TESK2: variants seen among roughly 807,000 people sequenced by gnomAD.
TESK2 encodes testis associated actin remodelling kinase 2.
In TESK2, 39 loss-of-function variants were observed where a neutral mutation model predicts 57.1. The observed-to-expected ratio is 0.68, with a 90% CI of 0.53 to 0.89. The LOEUF (loss-of-function observed/expected upper bound fraction) is 0.89, where lower values mean the gene tolerates loss of function less well. Ranked by LOEUF, TESK2 falls within the 40% of genes least tolerant of loss-of-function variation. The pLI is 0.00. For synonymous variants in TESK2, 249 were observed against 267.9 expected, an observed-to-expected ratio of 0.93 and a Z score of 0.69; for missense variants, 646 against 732.1, an observed-to-expected ratio of 0.88 and a Z score of 1.36.
intron 4 of TESK2, among the ~76,000 whole-genome samples, chr1:45,375,831 C>A (rs1648399295): frequency 6.6e-6 from 1 of 152,100 alleles, no homozygotes; most frequent in East Asian, 1.9e-4. Context: ...TGGAATAGTG[C>A]CAGACATGGT....
At chr1:45,455,883 T>C (rs1652068544) in intron 2 of TESK2, among the ~76,000 whole-genome samples, 1 of 151,700 alleles carries the variant, frequency 6.6e-6, no homozygotes, top group Non-Finnish European at 1.5e-5. Context: ...CATGGGAAAG[T>C]ATACCTATTA....
intron 10 of TESK2, 61 bp downstream of exon 10, chr1:45,345,816 G>C (rs1307384534): frequency 1.5e-6 from 2 of 1,342,300 alleles, no homozygotes; most frequent in South Asian, 1.2e-5. Flanking sequence ...AAGAGGAGAA[G>C]GCCCCACATC....
chr1:45,353,516 C>A (rs972616409), intron 5 of TESK2, among the ~76,000 whole-genome samples: 1 of 152,206 alleles, frequency 6.6e-6, no homozygotes, highest in African/African-American at 2.4e-5. Context: ...CCCTTTCAAG[C>A]TTTTTCTTAA....
At chr1:45,393,144 AG>A (rs1372449197) in intron 3 of TESK2, among the ~76,000 whole-genome samples, 1 of 152,204 alleles carries the variant, frequency 6.6e-6, no homozygotes, top group African/African-American at 2.4e-5. Context: ...GAAGCTGAAA[AG>A]ACCTGGTTTG....
At chr1:45,454,076 A>G (rs886214347) in intron 2 of TESK2, among the ~76,000 whole-genome samples, 5 of 152,196 alleles carry the variant, frequency 3.3e-5, no homozygotes, top group African/African-American at 9.6e-5. Context: ...AGAACTGTAA[A>G]ATGGCACAAC....
intron 1 of TESK2, among the ~76,000 whole-genome samples, chr1:45,482,521 C>CA (rs1419324969): frequency 6.8e-6 from 1 of 146,930 alleles, no homozygotes; most frequent in Non-Finnish European, 1.5e-5. Flanking sequence ...GCCCCTGTCT[C>CA]AAAAAAATAA....
chr1:45,357,812 C>A (rs9429159), intron 4 of TESK2, among the ~76,000 whole-genome samples: 41,035 of 150,064 alleles, frequency 0.27, 5,853 homozygotes, highest in Admixed American at 0.41. Context: ...TCGAGACCAG[C>A]CTGACCAACA....
intron 4 of TESK2, among the ~76,000 whole-genome samples, chr1:45,367,050 C>T (rs1647949227): frequency 6.6e-6 from 1 of 152,080 alleles, no homozygotes; most frequent in Non-Finnish European, 1.5e-5. Flanking sequence ...GGGAGGATGG[C>T]TTGAGCTGAG....
intron 3 of TESK2, among the ~76,000 whole-genome samples, chr1:45,387,023 T>C (rs6670763): frequency 0.02 from 3,037 of 152,266 alleles, 112 homozygotes; most frequent in African/African-American, 0.07. Flanking sequence ...CATTATATCA[T>C]TCTTACGCCT....
At chr1:45,420,880 G>A (rs1212133833) in intron 3 of TESK2, among the ~76,000 whole-genome samples, 2 of 151,996 alleles carry the variant, frequency 1.3e-5, no homozygotes, top group Admixed American at 6.6e-5. Flanking sequence ...GAGCCATCGC[G>A]CCCAGCCAAA....
chr1:45,424,429 T>G (rs1296140939), intron 2 of TESK2, among the ~76,000 whole-genome samples: 1 of 152,168 alleles, frequency 6.6e-6, no homozygotes, highest in Admixed American at 6.5e-5. Context: ...TGAGTGAGAT[T>G]TGGAACCCAG....
chr1:45,455,497 C>T (rs1302474204), intron 2 of TESK2, among the ~76,000 whole-genome samples: 1 of 152,186 alleles, frequency 6.6e-6, no homozygotes, highest in African/African-American at 2.4e-5. Context: ...CCTCATTTGG[C>T]GGCCCTATGA....
intron 3 of TESK2, among the ~76,000 whole-genome samples, chr1:45,419,584 T>TTACC (rs1650380759): frequency 6.6e-6 from 1 of 151,986 alleles, no homozygotes; most frequent in Non-Finnish European, 1.5e-5. Context: ...AGCAGGTGGA[T>TTACC]TACCTGAGGT....
intron 2 of TESK2, among the ~76,000 whole-genome samples, chr1:45,427,307 G>A (rs1042902609): frequency 6.6e-6 from 1 of 151,602 alleles, no homozygotes. Flanking sequence ...GTGCACTGTT[G>A]GTAGGAATGT....
chr1:45,373,591 A>C lies in TESK2; in HGVS notation c.393+12321T>G, dbSNP rs140171591. ...TACCTGCTTAATAATTATTTGTTAAATAGGAAACAGACACAAGCAATTGCA... is the reference window on the plus strand; with the variant it reads ...TACCTGCTTAATAATTATTTGTTAACTAGGAAACAGACACAAGCAATTGCA... On this transcript the variant is annotated intron_variant, in intron 4 of 10. Coordinates refer to ENST00000372086, the MANE Select transcript of TESK2 (RefSeq NM_007170.3). 9.8e-5 allele frequency among the ~76,000 whole-genome samples: 15 copies of C among 152,346 alleles called. No homozygotes were observed. The East Asian group carries it at 2.7e-3, about 27-fold the overall frequency.
chr1:45,406,901 T>C (rs994372805), intron 3 of TESK2, among the ~76,000 whole-genome samples: 11 of 152,206 alleles, frequency 7.2e-5, no homozygotes, highest in Non-Finnish European at 2.9e-5. Flanking sequence ...AGCTATTTAT[T>C]CTATTTACCT....
At chr1:45,355,752 T>C (rs1647392657) in intron 4 of TESK2, among the ~76,000 whole-genome samples, 1 of 152,112 alleles carries the variant, frequency 6.6e-6, no homozygotes, top group African/African-American at 2.4e-5. Context: ...TGGAGGCATG[T>C]CAGAGGAAAT....
At position 45,345,973 on chromosome 1, in the gene TESK2, A is replaced by G. The variant is rs1030357084; in HGVS notation, c.901T>C (p.Ser301Pro). ...CCNMDPKLRP[S>P]FVEIGKTLEE... The stretch of plus-strand genomic sequence containing the variant: ...AGGGTCTTCCCAATCTCCACAAAAG[A>G]TGGGCGCAGTTTGGGATCCATCTGT... The change falls in exon 10 of 11, where the codon TCT (serine) becomes CCT (proline). Residue 301 changes from serine to proline, a missense_variant. Ser to Pro is a moderately conservative substitution (Grantham distance 74). Transcript: ENST00000372086. 1 of 1,614,048 alleles carries G rather than the reference A, an allele frequency of 6.2e-7. No homozygotes were observed. The highest frequency in any genetic ancestry group is 1.7e-5 in the Admixed American group (1 of 60,010).
chr1:45,471,782 A>G (rs966491690), intron 1 of TESK2, among the ~76,000 whole-genome samples: 1 of 151,860 alleles, frequency 6.6e-6, no homozygotes, highest in Non-Finnish European at 1.5e-5. Flanking sequence ...GTGAGAGAAG[A>G]TAAGTGACCA....
Sources: allele counts gnomAD v4.1 joint callset (sites outside exome capture counted in the v4.1 genomes callset), GRCh38; gene constraint gnomAD v4.1.1; transcripts MANE v1.5; gene names NCBI Gene and HGNC (gene_info 2026-07-23, HGNC 2026-07-21).